The following TBC1D32 variants were observed in gnomAD, a reference collection of about 807,000 sequenced individuals.
TBC1D32 encodes protein broad-minded.
Under a neutral mutation model 170.3 loss-of-function variants are expected in TBC1D32, and 151 were observed. That is an observed-to-expected ratio of 0.89 (90% CI 0.78 to 1.01). TBC1D32 has a LOEUF of 1.01. TBC1D32 is among the 50% of genes least tolerant of loss of function. TBC1D32 has a pLI of 0.00. For synonymous variants in TBC1D32, 498 were observed against 488.0 expected, an observed-to-expected ratio of 1.02 and a Z score of -0.27; for missense variants, 1,464 against 1,457.1, an observed-to-expected ratio of 1.00 and a Z score of -0.08.
intron 22 of TBC1D32, among the ~76,000 whole-genome samples, chr6:121,184,142 T>C (rs1788883292): frequency 6.6e-6 from 1 of 152,050 alleles, no homozygotes; most frequent in African/African-American, 2.4e-5. Flanking sequence ...AAACAGGTAC[T>C]TTCACCAGGC....
intron 20 of TBC1D32, 102 bp downstream of exon 20, chr6:121,238,966 TAA>T: frequency 3.7e-6 from 2 of 534,692 alleles, no homozygotes; most frequent in East Asian, 5.8e-5. Flanking sequence ...ATAAATATAT[TAA>T]AAAGTCTGCT....
chr6:121,271,766 T>C (rs1801467312), intron 15 of TBC1D32, among the ~76,000 whole-genome samples: 1 of 152,120 alleles, frequency 6.6e-6, no homozygotes, highest in Non-Finnish European at 1.5e-5. Context: ...AAAACTACTT[T>C]AAAGTTCATA....
At chr6:121,211,448 T>G (rs2128312684) in intron 21 of TBC1D32, among the ~76,000 whole-genome samples, 1 of 152,234 alleles carries the variant, frequency 6.6e-6, no homozygotes, top group South Asian at 2.1e-4. Flanking sequence ...GTGTGTAGTC[T>G]TTTATCCCTC....
chr6:121,326,451 G>A (rs942495186), intron 1 of TBC1D32, among the ~76,000 whole-genome samples: 1 of 152,050 alleles, frequency 6.6e-6, no homozygotes, highest in Non-Finnish European at 1.5e-5. Flanking sequence ...ACATCACTAT[G>A]TACTCCATAA....
chr6:121,100,374 G>A (rs12529394), intron 30 of TBC1D32, among the ~76,000 whole-genome samples: 2 of 151,752 alleles, frequency 1.3e-5, no homozygotes, highest in Admixed American at 1.3e-4. Flanking sequence ...GTGTGTTAAA[G>A]TCTCCCATTA....
intron 29 of TBC1D32, among the ~76,000 whole-genome samples, chr6:121,109,822 G>A (rs1053516906): frequency 2.0e-5 from 3 of 151,678 alleles, no homozygotes. Flanking sequence ...ATTACTTCCT[G>A]TTTTGCTTAT....
At chr6:121,195,559 T>C (rs899490664) in intron 22 of TBC1D32, among the ~76,000 whole-genome samples, 2 of 152,128 alleles carry the variant, frequency 1.3e-5, no homozygotes, top group Admixed American at 6.6e-5. Context: ...CAAGTGGAAG[T>C]TGTACATATG....
chr6:121,242,662 G>A (rs1418316108), intron 17 of TBC1D32, among the ~76,000 whole-genome samples: 1 of 151,910 alleles, frequency 6.6e-6, no homozygotes, highest in Non-Finnish European at 1.5e-5. Context: ...AAATTCTGCT[G>A]TGCATGAATT....
At chr6:121,272,336 G>A (rs1014913771) in intron 15 of TBC1D32, among the ~76,000 whole-genome samples, 3 of 151,932 alleles carry the variant, frequency 2.0e-5, no homozygotes, top group Non-Finnish European at 2.9e-5. Flanking sequence ...CAGAAAGGGA[G>A]AAACTTTTTA....
At chr6:121,260,739 G>T (rs892882608) in intron 15 of TBC1D32, among the ~76,000 whole-genome samples, 5 of 152,216 alleles carry the variant, frequency 3.3e-5, no homozygotes, top group African/African-American at 1.2e-4. Context: ...CACTCGGCTG[G>T]AATCATCCTA....
chr6:121,320,222 A>G (rs984817861), intron 2 of TBC1D32, among the ~76,000 whole-genome samples: 6 of 151,246 alleles, frequency 4.0e-5, no homozygotes, highest in African/African-American at 1.5e-4. Context: ...AAAAGAAAAA[A>G]AAAACTGGGA....
chr6:121,227,855 G>A (rs1795261522), intron 20 of TBC1D32, among the ~76,000 whole-genome samples: 1 of 152,084 alleles, frequency 6.6e-6, no homozygotes. Flanking sequence ...TTCTGAAAAA[G>A]CTTGTGTGAG....
At chr6:121,177,375 G>A (rs1394576051) in intron 22 of TBC1D32, among the ~76,000 whole-genome samples, 13 of 152,116 alleles carry the variant, frequency 8.5e-5, no homozygotes, top group Admixed American at 7.9e-4. Context: ...CATGTAGGAC[G>A]CTTGCTTCTC....
intron 22 of TBC1D32, among the ~76,000 whole-genome samples, chr6:121,172,459 T>C (rs114476249): frequency 6.6e-6 from 1 of 152,056 alleles, no homozygotes; most frequent in Non-Finnish European, 1.5e-5. Flanking sequence ...GCCCTGTGAT[T>C]AAGATCAATG....
chr6:121,209,934 A>G (rs1423431027), intron 21 of TBC1D32, among the ~76,000 whole-genome samples: 1 of 152,194 alleles, frequency 6.6e-6, no homozygotes, highest in Non-Finnish European at 1.5e-5. Flanking sequence ...AACTAATTCA[A>G]TTTGCATCTT....
chr6:121,309,574 A>G (rs1198745551), intron 4 of TBC1D32, among the ~76,000 whole-genome samples: 2 of 152,198 alleles, frequency 1.3e-5, no homozygotes, highest in Admixed American at 1.3e-4. Context: ...CAAGATACGC[A>G]TACCAATACA....
At chr6:121,159,760 TGTG>T (rs1048193588) in intron 24 of TBC1D32, among the ~76,000 whole-genome samples, 1 of 152,168 alleles carries the variant, frequency 6.6e-6, no homozygotes, top group African/African-American at 2.4e-5. Flanking sequence ...ACAGTAAAAA[TGTG>T]GTATAATAAT....
intron 22 of TBC1D32, among the ~76,000 whole-genome samples, chr6:121,200,318 C>T (rs1260181628): frequency 1.3e-5 from 2 of 150,898 alleles, no homozygotes; most frequent in Non-Finnish European, 2.9e-5. Flanking sequence ...GCTGCAATTC[C>T]ACAGCCTATA....
intron 24 of TBC1D32, among the ~76,000 whole-genome samples, chr6:121,155,424 T>C (rs1220153413): frequency 6.6e-6 from 1 of 152,156 alleles, no homozygotes; most frequent in Admixed American, 6.5e-5. Flanking sequence ...TTTCTATGTA[T>C]AGAATTGTAT....
Sources: allele counts gnomAD v4.1 joint callset (sites outside exome capture counted in the v4.1 genomes callset), GRCh38; gene constraint gnomAD v4.1.1; transcripts MANE v1.5; gene names NCBI Gene and HGNC (gene_info 2026-07-23, HGNC 2026-07-21).